The following ZNF782 variants were observed in gnomAD, a reference collection of about 807,000 sequenced individuals.
The protein encoded by ZNF782 is zinc finger protein 782.
In ZNF782, 12 loss-of-function variants were observed where a neutral mutation model predicts 13.0. The observed-to-expected ratio is 0.92, with a 90% confidence interval of 0.59 to 1.50. The LOEUF (loss-of-function observed/expected upper bound fraction) is 1.50. Ranked by LOEUF, ZNF782 falls within the 40% of genes most tolerant of loss-of-function variation. ZNF782 has a pLI of 0.00. For synonymous variants in ZNF782, 284 were observed against 283.0 expected, an observed-to-expected ratio of 1.00 and a Z score of -0.04; for missense variants, 770 against 822.9, an observed-to-expected ratio of 0.94 and a Z score of 0.79.
chr9:96,896,890 G>GC, the ZNF782 span, among the ~76,000 whole-genome samples: 1 of 152,236 alleles, frequency 6.6e-6, no homozygotes, highest in Non-Finnish European at 1.5e-5. Flanking sequence ...GAACTGTGGA[G>GC]CATGCCATCT....
chr9:96,877,200 A>G (rs1851904344), upstream of ZNF782, among the ~76,000 whole-genome samples: 1 of 152,146 alleles, frequency 6.6e-6, no homozygotes, highest in Non-Finnish European at 1.5e-5. Context: ...CCGTGAGATG[A>G]TAAATTTAAA....
At chr9:96,902,110 G>A in the ZNF782 span, among the ~76,000 whole-genome samples, 1 of 152,096 alleles carries the variant, frequency 6.6e-6, no homozygotes, top group Non-Finnish European at 1.5e-5. Context: ...TTTTTTAGGA[G>A]AACGGTCTAT....
chr9:96,821,889 C>T (rs1412580117), intron 5 of ZNF782, among the ~76,000 whole-genome samples: 13 of 152,172 alleles, frequency 8.5e-5, no homozygotes, highest in Admixed American at 7.9e-4. Context: ...TGGTCTCGAT[C>T]TTCTGACCTC....
the ZNF782 span, among the ~76,000 whole-genome samples, chr9:96,909,313 AGAG>A: frequency 6.7e-6 from 1 of 149,952 alleles, no homozygotes; most frequent in African/African-American, 2.5e-5. Flanking sequence ...ATGAGGAGGA[AGAG>A]GAGGAGAATA....
At chr9:96,887,491 A>G in the ZNF782 span, 1 of 152,264 alleles carries the variant, frequency 6.6e-6, no homozygotes, top group Non-Finnish European at 1.5e-5. Flanking sequence ...CTAAAAAACA[A>G]AAAACCAAAC....
the ZNF782 span, among the ~76,000 whole-genome samples, chr9:96,930,262 C>T: frequency 1.3e-5 from 2 of 152,102 alleles, no homozygotes; most frequent in East Asian, 1.9e-4. Context: ...CGGTGGCTCA[C>T]GCCTGTAATC....
At chr9:96,883,830 A>T in the ZNF782 span, among the ~76,000 whole-genome samples, 1 of 152,240 alleles carries the variant, frequency 6.6e-6, no homozygotes, top group Non-Finnish European at 1.5e-5. Flanking sequence ...AGAGTTGATG[A>T]ACTGCAGGGT....
At chr9:96,931,844 G>C in the ZNF782 span, 11 of 1,612,436 alleles carry the variant, frequency 6.8e-6, no homozygotes, top group Non-Finnish European at 9.3e-6. Context: ...CGTGACTGCA[G>C]TGGTTCCTCC....
intron 5 of ZNF782, among the ~76,000 whole-genome samples, chr9:96,821,669 C>CTT (rs1232848204): frequency 1.8e-4 from 25 of 141,300 alleles, no homozygotes; most frequent in Admixed American, 4.3e-4. Context: ...TAATAGTTCA[C>CTT]TTTTTTTTTT....
chr9:96,857,069 T>A (rs1476480712), upstream of ZNF782, among the ~76,000 whole-genome samples: 1 of 152,204 alleles, frequency 6.6e-6, no homozygotes, highest in Non-Finnish European at 1.5e-5. Context: ...GTGAAAAGAT[T>A]AACATTTGCT....
intron 3 of ZNF782, among the ~76,000 whole-genome samples, chr9:96,848,834 C>A (rs1851413646): frequency 6.6e-6 from 1 of 152,142 alleles, no homozygotes; most frequent in South Asian, 2.1e-4. Context: ...TCCTAAAATT[C>A]ATACGGAATA....
chr9:96,902,488 T>C, the ZNF782 span, among the ~76,000 whole-genome samples: 2 of 130,038 alleles, frequency 1.5e-5, no homozygotes, highest in Non-Finnish European at 3.1e-5. Context: ...CTCATGAGTG[T>C]AGACAATGAG....
At chr9:96,899,916 T>C in the ZNF782 span, among the ~76,000 whole-genome samples, 3 of 151,476 alleles carry the variant, frequency 2.0e-5, no homozygotes, top group East Asian at 5.9e-4. Context: ...CCTCCTACCT[T>C]AGCCTCCTGA....
chr9:96,916,520 T>C, the ZNF782 span, among the ~76,000 whole-genome samples: 2 of 151,878 alleles, frequency 1.3e-5, no homozygotes, highest in East Asian at 3.8e-4. Flanking sequence ...CTTTCTGATA[T>C]CCGGAACGCC....
chr9:96,913,769 C>T, the ZNF782 span, among the ~76,000 whole-genome samples: 1 of 151,608 alleles, frequency 6.6e-6, no homozygotes, highest in African/African-American at 2.4e-5. Context: ...AGGTGATCTG[C>T]CCACCTCAGC....
At chr9:96,825,785 G>A (rs1321497638) in intron 5 of ZNF782, among the ~76,000 whole-genome samples, 1 of 150,834 alleles carries the variant, frequency 6.6e-6, no homozygotes, top group African/African-American at 2.4e-5. Context: ...GCAGCCAAAA[G>A]ACACATGAAA....
At chr9:96,827,838 C>T (rs975211398) in intron 4 of ZNF782, among the ~76,000 whole-genome samples, 1 of 152,156 alleles carries the variant, frequency 6.6e-6, no homozygotes, top group Admixed American at 6.5e-5. Flanking sequence ...GCAGTGCAGA[C>T]AGGGATCCTT....
Position 96,817,655 on chromosome 9 carries a change from G to A in ZNF782, c.*268C>T. 6.1e-6 allele frequency: 2 copies of A among 329,292 alleles called. No homozygotes were observed. The highest frequency in any genetic ancestry group is 9.7e-5 in the East Asian group (2 of 20,650). 20.4% of individuals were successfully genotyped at this position (329,292 alleles called of 1,614,324 possible). A position where few individuals can be genotyped will look rare whatever the true frequency, so the allele number is the denominator to read the frequency against. On this transcript the variant is annotated 3_prime_UTR_variant, in exon 6 of 6. Coordinates refer to ENST00000481138, the MANE Select transcript of ZNF782 (RefSeq NM_001001662.3). ...TTTTCTGAGGAGTGAGTTCGCAAGA[G>A]TATTTTCCATATTCATTATGTTTAT...
At chr9:96,908,333 T>C in the ZNF782 span, among the ~76,000 whole-genome samples, 1 of 152,166 alleles carries the variant, frequency 6.6e-6, no homozygotes, top group East Asian at 1.9e-4. Flanking sequence ...TGCTTCAGCC[T>C]CCCAAAGTGC....
Sources: allele counts gnomAD v4.1 joint callset (sites outside exome capture counted in the v4.1 genomes callset), GRCh38; gene constraint gnomAD v4.1.1; transcripts MANE v1.5; gene names NCBI Gene and HGNC (gene_info 2026-07-23, HGNC 2026-07-21).